Variants in NLGN1 observed in about 807,000 individuals in gnomAD.
The protein encoded by NLGN1 is neuroligin-1.
Under a neutral mutation model 65.5 loss-of-function variants are expected in NLGN1, and 12 were observed. That is an observed-to-expected ratio of 0.18 (90% CI 0.12 to 0.30). The LOEUF (loss-of-function observed/expected upper bound fraction) is 0.30, where lower values mean the gene tolerates loss of function less well. NLGN1 is among the 10% of genes least tolerant of loss of function. The pLI, the probability that NLGN1 is intolerant of heterozygous loss-of-function variation, is 1.00. For missense variants in NLGN1, 750 were observed against 1,007.1 expected (o/e 0.74, Z 3.46); for synonymous variants, 350 against 359.5 (o/e 0.97, Z 0.30).
At chr3:173,930,014 A>G (rs1201652619) in intron 4 of NLGN1, among the ~76,000 whole-genome samples, 3 of 152,172 alleles carry the variant, frequency 2.0e-5, no homozygotes, top group Non-Finnish European at 4.4e-5. Context: ...AAGCTTCTTC[A>G]AATAAATTCC....
At chr3:173,449,441 T>C (rs372674233) in intron 2 of NLGN1, among the ~76,000 whole-genome samples, 9 of 152,334 alleles carry the variant, frequency 5.9e-5, no homozygotes, top group African/African-American at 9.6e-5. Context: ...TTTGTTATAA[T>C]TTCTGTTCTT....
chr3:174,175,728 AC>A (rs911012850), intron 4 of NLGN1, among the ~76,000 whole-genome samples: 51 of 152,024 alleles, frequency 3.4e-4, no homozygotes, highest in African/African-American at 1.1e-3. Context: ...AATTTTTTTC[AC>A]CATTTTCAGA....
chr3:173,978,269 T>C (rs561471710), intron 4 of NLGN1, among the ~76,000 whole-genome samples: 1 of 152,214 alleles, frequency 6.6e-6, no homozygotes, highest in East Asian at 1.9e-4. Flanking sequence ...TGTCTTTACT[T>C]GTGACAAATT....
intron 4 of NLGN1, among the ~76,000 whole-genome samples, chr3:173,830,017 A>AGG (rs1560454460): frequency 2.2e-5 from 3 of 139,400 alleles, no homozygotes; most frequent in Non-Finnish European, 4.6e-5. Flanking sequence ...TGGGGGGGGG[A>AGG]GGGAGAGAAT....
intron 4 of NLGN1, among the ~76,000 whole-genome samples, chr3:174,038,693 T>C (rs541532126): frequency 6.6e-6 from 1 of 152,270 alleles, no homozygotes; most frequent in South Asian, 2.1e-4. Flanking sequence ...TCCTTCCAAA[T>C]AGGTAAAGTC....
intron 3 of NLGN1, among the ~76,000 whole-genome samples, chr3:173,616,868 C>A (rs779709776): frequency 6.6e-6 from 1 of 152,094 alleles, no homozygotes; most frequent in Non-Finnish European, 1.5e-5. Context: ...TTTCTTAATT[C>A]CCCTCAAGGA....
chr3:174,244,172 T>G (rs1743373195), intron 4 of NLGN1, among the ~76,000 whole-genome samples: 1 of 152,204 alleles, frequency 6.6e-6, no homozygotes, highest in South Asian at 2.1e-4. Flanking sequence ...AAAGAAGTAA[T>G]AGTTCCAATA....
intron 4 of NLGN1, among the ~76,000 whole-genome samples, chr3:174,027,308 T>C (rs558555968): frequency 6.6e-6 from 1 of 152,154 alleles, no homozygotes. Flanking sequence ...TTCTCTCTTA[T>C]ACCCTGTTCT....
At chr3:173,564,687 GA>G (rs1475431109) in intron 2 of NLGN1, among the ~76,000 whole-genome samples, 2 of 152,182 alleles carry the variant, frequency 1.3e-5, no homozygotes, top group Non-Finnish European at 2.9e-5. Flanking sequence ...TGAGAACCAA[GA>G]ACCCCACTGA....
intron 3 of NLGN1, among the ~76,000 whole-genome samples, chr3:173,629,875 T>C (rs1367859267): frequency 6.6e-6 from 1 of 152,216 alleles, no homozygotes. Context: ...TCATTGAATA[T>C]GCTTCTAAAA....
intron 2 of NLGN1, among the ~76,000 whole-genome samples, chr3:173,517,278 A>G (rs938148998): frequency 6.6e-6 from 1 of 152,072 alleles, no homozygotes; most frequent in Non-Finnish European, 1.5e-5. Context: ...TAGAAGATGC[A>G]TGGAGGAATT....
chr3:174,142,213 C>T (rs1273647686), intron 4 of NLGN1, among the ~76,000 whole-genome samples: 1 of 152,100 alleles, frequency 6.6e-6, no homozygotes, highest in Non-Finnish European at 1.5e-5. Flanking sequence ...TGAGGGTCTA[C>T]ATTTTGTTTT....
intron 4 of NLGN1, among the ~76,000 whole-genome samples, chr3:174,048,722 A>G (rs573138461): frequency 6.6e-6 from 1 of 152,108 alleles, no homozygotes; most frequent in Non-Finnish European, 1.5e-5. Context: ...TAAAAAGGAT[A>G]TAATGATAAA....
intron 2 of NLGN1, among the ~76,000 whole-genome samples, chr3:173,451,177 T>G (rs1256289405): frequency 6.6e-6 from 1 of 152,168 alleles, no homozygotes; most frequent in African/African-American, 2.4e-5. Context: ...TGTTTTTTCC[T>G]CATCTTTGTG....
chr3:173,637,961 A>T lies in NLGN1; in HGVS notation c.493+32870A>T, dbSNP rs1378343036. ...CTTTCGACATTTGGAAAATTGTGAAACTTTGATGATAAACCATTCACTGCA... is the reference window on the plus strand; with the variant it reads ...CTTTCGACATTTGGAAAATTGTGAATCTTTGATGATAAACCATTCACTGCA... On this transcript the variant is annotated intron_variant, in intron 3 of 6. Coordinates refer to ENST00000457714, the Ensembl canonical transcript of NLGN1. Among the ~76,000 whole-genome samples the T allele has an allele frequency of 7.9e-5, 12 of 152,146 alleles. 1 individual carries two copies. Among genetic ancestry groups the T allele is most frequent in the Non-Finnish European group, 1.8e-4 (12 of 68,022 alleles).
intron 3 of NLGN1, among the ~76,000 whole-genome samples, chr3:173,724,728 G>A (rs772994332): frequency 6.6e-6 from 1 of 152,146 alleles, no homozygotes; most frequent in Non-Finnish European, 1.5e-5. Context: ...AAAGACACAT[G>A]CACACATATG....
intron 4 of NLGN1, among the ~76,000 whole-genome samples, chr3:174,221,908 T>C (rs926868674): frequency 3.9e-5 from 6 of 152,232 alleles, no homozygotes; most frequent in Non-Finnish European, 5.9e-5. Context: ...ATGTTGCTCA[T>C]GTTTTTTGTT....
At chr3:174,049,250 A>C (rs1201036944) in intron 4 of NLGN1, among the ~76,000 whole-genome samples, 1 of 152,126 alleles carries the variant, frequency 6.6e-6, no homozygotes, top group South Asian at 2.1e-4. Context: ...GATATTTTCG[A>C]AAAAGTTAAG....
chr3:173,955,564 G>A (rs1711793131), intron 4 of NLGN1, among the ~76,000 whole-genome samples: 1 of 152,148 alleles, frequency 6.6e-6, no homozygotes, highest in Non-Finnish European at 1.5e-5. Context: ...TGTATAGCCA[G>A]CTTCCTTGCC....
Sources: gnomAD v4.1 joint callset for allele counts (sites outside exome capture counted in the v4.1 genomes callset) on GRCh38, gnomAD v4.1.1 for gene constraint, MANE v1.5 for transcripts, NCBI Gene and HGNC (gene_info 2026-07-23, HGNC 2026-07-21) for gene names.